PDE1C: variants seen among roughly 807,000 people sequenced by gnomAD.
The protein encoded by PDE1C is dual specificity calcium/calmodulin-dependent 3',5'-cyclic nucleotide phosphodiesterase 1C.
In PDE1C, 62 loss-of-function variants were observed where a neutral mutation model predicts 93.1. The ratio of observed to expected loss-of-function variants is 0.67; its 90% CI spans 0.54 to 0.82. The LOEUF (loss-of-function observed/expected upper bound fraction) is 0.82. Among genes scored for constraint, PDE1C ranks in the 40% least tolerant of loss-of-function variants. PDE1C has a pLI of 0.00. For missense variants in PDE1C, 742 were observed against 884.6 expected (o/e 0.84, Z 2.04); for synonymous variants, 325 against 310.1 (o/e 1.05, Z -0.50).
the PDE1C span, among the ~76,000 whole-genome samples, chr7:31,726,529 G>A: frequency 6.8e-4 from 103 of 152,234 alleles, 1 homozygote; most frequent in African/African-American, 2.0e-3. Flanking sequence ...GAACACAACC[G>A]TCAGACAAGG....
intron 16 of PDE1C, among the ~76,000 whole-genome samples, chr7:31,790,514 C>T (rs1784464729): frequency 6.6e-6 from 1 of 152,126 alleles, no homozygotes; most frequent in South Asian, 2.1e-4. Context: ...GATTAGCAAA[C>T]ATTTGGTCAT....
intron 1 of PDE1C, among the ~76,000 whole-genome samples, chr7:32,069,005 C>A (rs1161625357): frequency 6.6e-6 from 1 of 152,162 alleles, no homozygotes; most frequent in Admixed American, 6.5e-5. Context: ...GGAAAGCCTG[C>A]CAGCCAGAGA....
chr7:31,863,166 A>G lies in PDE1C; in HGVS notation c.750+1776T>C, dbSNP rs138583331. 1.3e-3 allele frequency among the ~76,000 whole-genome samples: 197 copies of G among 150,306 alleles called. 5 individuals are homozygous for G. Among genetic ancestry groups the G allele is most frequent in the African/African-American group, 4.8e-3 (190 of 39,802 alleles). On this transcript the variant is annotated intron_variant, in intron 7 of 17. Coordinates refer to ENST00000396191, the MANE Select transcript of PDE1C (RefSeq NM_001191057.4). ...GATCATTTTTGTGCCCTTTGATTTA[A>G]TTTTAGTTTCCTTTTTATTGTTTTT... is the stretch of plus-strand genomic sequence containing the variant.
intron 2 of PDE1C, among the ~76,000 whole-genome samples, chr7:32,049,474 G>A (rs1326786845): frequency 2.0e-5 from 3 of 152,028 alleles, no homozygotes; most frequent in East Asian, 1.9e-4. Flanking sequence ...ATAGTGATAA[G>A]AATAAAAGAG....
chr7:32,301,128 T>A (rs1334028000), upstream of PDE1C, among the ~76,000 whole-genome samples: 4 of 152,160 alleles, frequency 2.6e-5, no homozygotes, highest in Non-Finnish European at 4.4e-5. Context: ...ATGAGACACA[T>A]GCCTGACCTT....
At chr7:32,065,301 A>G (rs1795269701) in intron 1 of PDE1C, among the ~76,000 whole-genome samples, 1 of 151,784 alleles carries the variant, frequency 6.6e-6, no homozygotes, top group South Asian at 2.1e-4. Flanking sequence ...TGCCCGGAAG[A>G]CTCCTTGTTT....
chr7:31,772,402 T>G (rs1795549057), intron 17 of PDE1C, among the ~76,000 whole-genome samples: 1 of 152,110 alleles, frequency 6.6e-6, no homozygotes, highest in African/African-American at 2.4e-5. Context: ...CAGTGTCCCC[T>G]GCAGCACTTT....
chr7:31,740,942 G>A, the PDE1C span, among the ~76,000 whole-genome samples: 4 of 151,782 alleles, frequency 2.6e-5, no homozygotes, highest in Non-Finnish European at 4.4e-5. Context: ...GATGGTACAT[G>A]CCTGTAGTCC....
chr7:31,731,875 T>TGTC, the PDE1C span, among the ~76,000 whole-genome samples: 1 of 152,186 alleles, frequency 6.6e-6, no homozygotes, highest in Non-Finnish European at 1.5e-5. Context: ...CTTGAGTGAC[T>TGTC]ACTTCTGCAT....
chr7:31,626,413 A>AG, the PDE1C span, among the ~76,000 whole-genome samples: 1 of 152,202 alleles, frequency 6.6e-6, no homozygotes, highest in Non-Finnish European at 1.5e-5. Flanking sequence ...AACTTTTAAA[A>AG]TTATCATAAT....
intron 16 of PDE1C, among the ~76,000 whole-genome samples, chr7:31,801,398 T>A (rs1317115515): frequency 6.6e-6 from 1 of 151,452 alleles, no homozygotes; most frequent in East Asian, 1.9e-4. Context: ...CCTTTTGAAT[T>A]TATTGGGACT....
chr7:31,732,636 T>TTGTGTGTGTGTGTG, the PDE1C span, among the ~76,000 whole-genome samples: 485 of 103,180 alleles, frequency 4.7e-3, 10 homozygotes, highest in African/African-American at 0.014. Context: ...TCTCCTCTCT[T>TTGTGTGTGTGTGTG]TCTGTGTGTG....
At chr7:32,124,154 T>C (rs1799444835) in intron 3 of PDE1C, among the ~76,000 whole-genome samples, 1 of 152,092 alleles carries the variant, frequency 6.6e-6, no homozygotes, top group Non-Finnish European at 1.5e-5. Flanking sequence ...ACAAGGGACA[T>C]GGAGGACTTC....
intron 1 of PDE1C, among the ~76,000 whole-genome samples, chr7:32,255,843 C>T (rs1205007348): frequency 1.3e-5 from 2 of 152,114 alleles, no homozygotes; most frequent in Non-Finnish European, 2.9e-5. Flanking sequence ...GAGGCTGGTG[C>T]AGATACTTGT....
In PDE1C at chr7:31,933,053, T is replaced by C. The variant is rs150150962; in HGVS notation, c.129-52193A>G. Among the ~76,000 whole-genome samples the C allele has an allele frequency of 1.8e-3, 279 of 151,958 alleles. 8 individuals are homozygous for C. The East Asian group carries it at 0.046, about 25-fold the overall frequency. On this transcript the variant is annotated intron_variant, in intron 2 of 17. Coordinates refer to ENST00000396191, the MANE Select transcript of PDE1C (RefSeq NM_001191057.4). ...GCACAGGGAAGGGAACATCACACAC[T>C]GGGATCTGTCAGGGGTTAAGGGGCA... is the stretch of plus-strand genomic sequence containing the variant.
intron 2 of PDE1C, among the ~76,000 whole-genome samples, chr7:32,205,921 T>C (rs1366641175): frequency 6.6e-6 from 1 of 152,130 alleles, no homozygotes; most frequent in African/African-American, 2.4e-5. Flanking sequence ...GAACAAACTA[T>C]GGACACACCA....
At chr7:31,661,698 G>A in the PDE1C span, among the ~76,000 whole-genome samples, 1 of 152,200 alleles carries the variant, frequency 6.6e-6, no homozygotes, top group Non-Finnish European at 1.5e-5. Context: ...GGGGCAACAA[G>A]AGTGAAACTC....
chr7:31,851,923 A>T (rs1562921150), intron 7 of PDE1C, among the ~76,000 whole-genome samples: 1 of 152,328 alleles, frequency 6.6e-6, no homozygotes, highest in South Asian at 2.1e-4. Context: ...GTTCCCACTT[A>T]ACTTTAAAGA....
At chr7:32,422,947 G>A (rs1042107813) in intron 1 of PDE1C, among the ~76,000 whole-genome samples, 4 of 152,148 alleles carry the variant, frequency 2.6e-5, no homozygotes, top group Non-Finnish European at 5.9e-5. Context: ...CAGATCCCAA[G>A]AACTCACTAA....
Sources: gnomAD v4.1 joint callset for allele counts (sites outside exome capture counted in the v4.1 genomes callset) on GRCh38, gnomAD v4.1.1 for gene constraint, MANE v1.5 for transcripts, NCBI Gene and HGNC (gene_info 2026-07-23, HGNC 2026-07-21) for gene names.